Variants in RBFOX1 observed in about 807,000 individuals in gnomAD.
RBFOX1 encodes the protein RNA binding protein fox-1 homolog 1.
Under a neutral mutation model 57.7 loss-of-function variants are expected in RBFOX1, and 8 were observed. The observed-to-expected ratio is 0.14, with a 90% CI of 0.08 to 0.25. RBFOX1 has a LOEUF of 0.25. Ranked by LOEUF, RBFOX1 falls within the 10% of genes least tolerant of loss-of-function variation. RBFOX1 has a pLI of 1.00. For synonymous variants in RBFOX1, 326 were observed against 222.4 expected (o/e 1.47, Z -4.15); for missense variants, 611 against 548.5 (o/e 1.11, Z -1.14).
chr16:7,153,292 T>C (rs1234774660), intron 4 of RBFOX1, among the ~76,000 whole-genome samples: 1 of 152,230 alleles, frequency 6.6e-6, no homozygotes, highest in Non-Finnish European at 1.5e-5. Context: ...CTGAACTTTT[T>C]CATGTTTATT....
At chr16:5,749,001 G>A (rs189141716) in intron 3 of RBFOX1, among the ~76,000 whole-genome samples, 7 of 152,244 alleles carry the variant, frequency 4.6e-5, no homozygotes, top group Admixed American at 6.5e-5. Context: ...TTTTGCAGTG[G>A]CTGGTATCGG....
chr16:7,196,091 G>A (rs541204970), intron 4 of RBFOX1, among the ~76,000 whole-genome samples: 1 of 151,708 alleles, frequency 6.6e-6, no homozygotes, highest in African/African-American at 2.4e-5. Flanking sequence ...TATTATTATT[G>A]TTTGCTCTTT....
chr16:6,594,817 C>G (rs879593094), intron 2 of RBFOX1, among the ~76,000 whole-genome samples: 17 of 152,136 alleles, frequency 1.1e-4, no homozygotes, highest in Non-Finnish European at 1.0e-4. Flanking sequence ...GAGACGGAGT[C>G]TCATTCCGTC....
chr16:6,096,924 T>G (rs918093999), intron 1 of RBFOX1, among the ~76,000 whole-genome samples: 4 of 152,206 alleles, frequency 2.6e-5, no homozygotes, highest in African/African-American at 9.6e-5. Flanking sequence ...TGCATTTTAA[T>G]GACGGCTCAC....
At chr16:7,186,826 G>T (rs1056066532) in intron 4 of RBFOX1, among the ~76,000 whole-genome samples, 1 of 150,904 alleles carries the variant, frequency 6.6e-6, no homozygotes, top group East Asian at 1.9e-4. Flanking sequence ...AATGTATTCA[G>T]TGTTTTGAAC....
intron 2 of RBFOX1, among the ~76,000 whole-genome samples, chr16:5,539,338 A>G (rs1202025413): frequency 6.6e-6 from 1 of 151,414 alleles, no homozygotes; most frequent in Non-Finnish European, 1.5e-5. Flanking sequence ...CACGCCTGTA[A>G]TCCCAGCACT....
chr16:7,490,943 C>G (rs918396090), intron 4 of RBFOX1, among the ~76,000 whole-genome samples: 1 of 152,152 alleles, frequency 6.6e-6, no homozygotes, highest in Non-Finnish European at 1.5e-5. Flanking sequence ...CTCTTATCTT[C>G]TTTAGGTGGC....
chr16:5,403,980 A>T (rs2066792073), intron 1 of RBFOX1, among the ~76,000 whole-genome samples: 1 of 145,980 alleles, frequency 6.9e-6, no homozygotes, highest in African/African-American at 2.5e-5. Context: ...GGACTTGGCC[A>T]TGGGAAGGGT....
intron 1 of RBFOX1, among the ~76,000 whole-genome samples, chr16:6,104,769 C>G (rs1316504815): frequency 6.6e-6 from 1 of 152,176 alleles, no homozygotes; most frequent in Non-Finnish European, 1.5e-5. Context: ...CAAATAGAAG[C>G]TACACCACAT....
intron 3 of RBFOX1, among the ~76,000 whole-genome samples, chr16:5,766,795 G>A (rs1188946929): frequency 1.3e-5 from 2 of 152,134 alleles, no homozygotes; most frequent in Non-Finnish European, 2.9e-5. Context: ...TACCCACCCT[G>A]CTTCTGCCCT....
At chr16:5,537,880 C>T (rs945721878) in intron 2 of RBFOX1, among the ~76,000 whole-genome samples, 1 of 152,166 alleles carries the variant, frequency 6.6e-6, no homozygotes, top group Non-Finnish European at 1.5e-5. Flanking sequence ...GTAACATGTT[C>T]ACAGATTCTG....
At chr16:6,577,704 A>G (rs952050413) in intron 2 of RBFOX1, among the ~76,000 whole-genome samples, 23 of 152,192 alleles carry the variant, frequency 1.5e-4, no homozygotes, top group African/African-American at 5.5e-4. Flanking sequence ...GATGTCTCAC[A>G]GTGGTAGTCA....
chr16:5,866,647 C>CTT (rs899551906), intron 3 of RBFOX1, among the ~76,000 whole-genome samples: 2 of 152,186 alleles, frequency 1.3e-5, no homozygotes, highest in African/African-American at 4.8e-5. Flanking sequence ...ATCTACGTGA[C>CTT]TTTATGTTGG....
At chr16:7,024,511 C>G (rs540319440) in intron 3 of RBFOX1, among the ~76,000 whole-genome samples, 2 of 152,192 alleles carry the variant, frequency 1.3e-5, no homozygotes, top group East Asian at 1.9e-4. Context: ...GTTATAGGCC[C>G]TTGTGCAAAA....
chr16:6,824,847 A>C (rs2091892054), intron 3 of RBFOX1, among the ~76,000 whole-genome samples: 1 of 151,968 alleles, frequency 6.6e-6, no homozygotes, highest in African/African-American at 2.4e-5. Context: ...TTGGAAAGAA[A>C]CACTATTAAC....
chr16:7,569,915 G>A (rs12447974), intron 5 of RBFOX1, among the ~76,000 whole-genome samples: 132,738 of 152,080 alleles, frequency 0.87, 58,745 homozygotes, highest in Non-Finnish European at 0.96. Context: ...ACTTCAATTT[G>A]AATGTAAGTA....
chr16:6,880,621 A>G (rs1275470196), intron 3 of RBFOX1, among the ~76,000 whole-genome samples: 1 of 152,162 alleles, frequency 6.6e-6, no homozygotes, highest in Non-Finnish European at 1.5e-5. Flanking sequence ...TGGAAGAGGC[A>G]GGGTGGGGAA....
intron 4 of RBFOX1, among the ~76,000 whole-genome samples, chr16:7,062,339 GAAA>G (rs1293515104): frequency 1.3e-4 from 15 of 113,586 alleles, no homozygotes; most frequent in African/African-American, 4.1e-4. Flanking sequence ...AAAAAAAAAA[GAAA>G]AGAAAAAAGG....
intron 1 of RBFOX1, among the ~76,000 whole-genome samples, chr16:6,048,224 G>T (rs1208873454): frequency 6.6e-6 from 1 of 152,178 alleles, no homozygotes; most frequent in Admixed American, 6.5e-5. Context: ...CTTGGCCAGG[G>T]TCAGGCAGTT....
Sources: gnomAD v4.1 joint callset for allele counts (sites outside exome capture counted in the v4.1 genomes callset) on GRCh38, gnomAD v4.1.1 for gene constraint, MANE v1.5 for transcripts, NCBI Gene and HGNC (gene_info 2026-07-23, HGNC 2026-07-21) for gene names.